Variants in EYA2 observed in about 807,000 individuals in gnomAD.
EYA2 encodes EYA transcriptional coactivator and phosphatase 2.
A neutral mutation model predicts 69.2 loss-of-function variants in EYA2; 31 were observed. The observed-to-expected ratio is 0.45, with a 90% confidence interval of 0.34 to 0.60. The LOEUF is 0.60. Among genes scored for constraint, EYA2 ranks in the 20% least tolerant of loss-of-function variants. The probability of loss-of-function intolerance (pLI) is 0.02; values close to 1 mark genes in which losing one functional copy is unlikely to be tolerated. For missense variants in EYA2, 622 were observed against 701.2 expected (o/e 0.89, Z 1.28); for synonymous variants, 257 against 279.4 (o/e 0.92, Z 0.80).
intron 3 of EYA2, among the ~76,000 whole-genome samples, chr20:47,003,364 G>A (rs1271233766): frequency 2.0e-5 from 3 of 152,232 alleles, no homozygotes; most frequent in Admixed American, 1.3e-4. Flanking sequence ...ACGTAGGCAT[G>A]AGAATTGACT....
chr20:47,065,561 A>G (rs987631393), intron 5 of EYA2, among the ~76,000 whole-genome samples: 2 of 152,234 alleles, frequency 1.3e-5, no homozygotes, highest in African/African-American at 4.8e-5. Flanking sequence ...AAAGGTTGAG[A>G]AACAATGAAG....
At chr20:47,042,267 A>G (rs1985115383) in intron 5 of EYA2, among the ~76,000 whole-genome samples, 1 of 152,184 alleles carries the variant, frequency 6.6e-6, no homozygotes, top group Non-Finnish European at 1.5e-5. Flanking sequence ...TCAGCTAATG[A>G]GTGGTAAAGC....
At chr20:46,928,469 G>A (rs529931438) in intron 1 of EYA2, among the ~76,000 whole-genome samples, 1 of 152,276 alleles carries the variant, frequency 6.6e-6, no homozygotes, top group African/African-American at 2.4e-5. Context: ...TTCCTCACTG[G>A]AGCCCTATAA....
intron 1 of EYA2, among the ~76,000 whole-genome samples, chr20:46,916,883 T>C (rs1425990243): frequency 6.6e-6 from 1 of 152,228 alleles, no homozygotes; most frequent in African/African-American, 2.4e-5. Flanking sequence ...GACCCTTCCT[T>C]ATTTACTGAT....
At chr20:47,061,851 G>A (rs932166427) in intron 5 of EYA2, among the ~76,000 whole-genome samples, 2 of 152,172 alleles carry the variant, frequency 1.3e-5, no homozygotes, top group African/African-American at 4.8e-5. Flanking sequence ...AGTCCCCAAA[G>A]GGTTAGACAT....
chr20:47,123,707 C>T (rs997340986), intron 9 of EYA2, among the ~76,000 whole-genome samples: 3 of 152,056 alleles, frequency 2.0e-5, no homozygotes, highest in African/African-American at 4.8e-5. Context: ...AAGGGACTAA[C>T]GGGCTGGGTA....
At chr20:47,050,373 A>G (rs1360505145) in intron 5 of EYA2, among the ~76,000 whole-genome samples, 1 of 152,240 alleles carries the variant, frequency 6.6e-6, no homozygotes, top group African/African-American at 2.4e-5. Flanking sequence ...CCTAGTAAAT[A>G]CGTATGAAGT....
At position 47,161,778 on chromosome 20, in the gene EYA2, C is replaced by T. The variant is rs1393023965; in HGVS notation, c.979-7361C>T. 5.5e-5 allele frequency: 9 copies of T among 162,886 alleles called. No individual in the cohort carries two copies. In the South Asian group the frequency reaches 8.4e-4, roughly 15 times the overall value. 10.1% of individuals were successfully genotyped at this position (162,886 alleles called of 1,614,324 possible). ...GACCCATCATTGTCTGATGCGGTGC[C>T]GGGCCCATAGTAGGTGTTTTTATAG... On this transcript the variant is annotated intron_variant, in intron 10 of 15. Coordinates refer to ENST00000327619, the MANE Select transcript of EYA2 (RefSeq NM_005244.5).
chr20:46,939,373 A>G (rs999129241), intron 1 of EYA2, among the ~76,000 whole-genome samples: 1 of 152,116 alleles, frequency 6.6e-6, no homozygotes, highest in African/African-American at 2.4e-5. Context: ...TCAAGGTGGT[A>G]GAAAGCAAAC....
At chr20:47,002,797 T>C (rs1435573769) in intron 3 of EYA2, among the ~76,000 whole-genome samples, 2 of 152,178 alleles carry the variant, frequency 1.3e-5, no homozygotes, top group Non-Finnish European at 1.5e-5. Context: ...CTAGTCCATA[T>C]TGATGGATGA....
chr20:46,917,322 A>G (rs1984954188), intron 1 of EYA2, among the ~76,000 whole-genome samples: 1 of 152,242 alleles, frequency 6.6e-6, no homozygotes, highest in Admixed American at 6.5e-5. Context: ...ACTCCCTGCC[A>G]AGAGGGGAAT....
chr20:47,146,855 G>A (rs2033712601), intron 10 of EYA2, among the ~76,000 whole-genome samples: 1 of 152,214 alleles, frequency 6.6e-6, no homozygotes, highest in Non-Finnish European at 1.5e-5. Flanking sequence ...GGATTCAGCA[G>A]CAAACCAAAC....
rs571369166 is a variant in EYA2 at position 46,913,598 on chromosome 20, C to T, written c.-11+18611C>T. ...AGAGACTGTTCAGACAGGGAGGTGA[C>T]GGTGACTTGGACCAGGGTGGTGGCA... On this transcript the variant is annotated intron_variant, in intron 1 of 15. Coordinates refer to ENST00000327619, the MANE Select transcript of EYA2 (RefSeq NM_005244.5). Among the ~76,000 whole-genome samples the T allele has an allele frequency of 9.7e-4, 147 of 151,802 alleles. 3 individuals are homozygous for T. In the South Asian group the frequency reaches 0.027, roughly 28 times the overall value.
At chr20:46,950,457 C>G (rs1978726791) in intron 1 of EYA2, among the ~76,000 whole-genome samples, 1 of 152,114 alleles carries the variant, frequency 6.6e-6, no homozygotes, top group East Asian at 1.9e-4. Context: ...GTTTGGGGTG[C>G]TGGAGCTGTG....
intron 14 of EYA2, among the ~76,000 whole-genome samples, chr20:47,182,176 G>T (rs6094623): frequency 6.6e-6 from 1 of 151,496 alleles, no homozygotes; most frequent in African/African-American, 2.4e-5. Context: ...CCACTACACC[G>T]AGCTAATTTT....
chr20:47,123,959 G>T lies in EYA2; in HGVS notation c.889-19100G>T, dbSNP rs551439813. Among the ~76,000 whole-genome samples the T allele has an allele frequency of 2.6e-5, 4 of 151,002 alleles. No homozygotes were observed. The East Asian group carries it at 7.8e-4, about 29-fold the overall frequency. On this transcript the variant is annotated intron_variant, in intron 9 of 15. Coordinates refer to ENST00000327619, the MANE Select transcript of EYA2 (RefSeq NM_005244.5). Reference sequence around the variant, plus strand: ...GTGTGCCAAGTGCACTCCAGCCTGGGTGACAGAGTGAGATTCCATCTCAAA... The same window carrying T: ...GTGTGCCAAGTGCACTCCAGCCTGGTTGACAGAGTGAGATTCCATCTCAAA...
chr20:47,121,366 T>C (rs113843924), intron 9 of EYA2, among the ~76,000 whole-genome samples: 2,092 of 152,312 alleles, frequency 0.014, 46 homozygotes, highest in African/African-American at 0.047. Flanking sequence ...GTGCTGGAAT[T>C]ACACGCATGA....
chr20:47,017,983 C>G (rs1340774), intron 5 of EYA2, among the ~76,000 whole-genome samples: 41,573 of 152,178 alleles, frequency 0.27, 5,779 homozygotes, highest in South Asian at 0.33. Flanking sequence ...TGCTTCTGCT[C>G]TCACGTCTGT....
At chr20:47,172,085 C>T (rs34167577) in intron 11 of EYA2, among the ~76,000 whole-genome samples, 2,709 of 151,234 alleles carry the variant, frequency 0.018, 114 homozygotes, top group East Asian at 0.17. Context: ...GGCAACAGAG[C>T]AAGACTCCAT....
Sources: gnomAD v4.1 joint callset for allele counts (sites outside exome capture counted in the v4.1 genomes callset) on GRCh38, gnomAD v4.1.1 for gene constraint, MANE v1.5 for transcripts, NCBI Gene and HGNC (gene_info 2026-07-23, HGNC 2026-07-21) for gene names.